TGFBI: variants seen among roughly 807,000 people sequenced by gnomAD.
TGFBI encodes transforming growth factor-beta-induced protein ig-h3.
Under a neutral mutation model 73.7 loss-of-function variants are expected in TGFBI, and 50 were observed. The observed-to-expected ratio is 0.68, with a 90% CI of 0.54 to 0.86. The LOEUF (loss-of-function observed/expected upper bound fraction) is 0.86. Ranked by LOEUF, TGFBI falls within the 40% of genes least tolerant of loss-of-function variation. The pLI is 0.00. For synonymous variants in TGFBI, 362 were observed against 360.5 expected (o/e 1.00, Z -0.05); for missense variants, 839 against 877.0 (o/e 0.96, Z 0.55).
At chr5:136,029,673 G>C (rs1007948922) in intron 1 of TGFBI, among the ~76,000 whole-genome samples, 3 of 152,152 alleles carry the variant, frequency 2.0e-5, no homozygotes, top group African/African-American at 7.2e-5. Context: ...AGGCTCCTGT[G>C]CTCCTGGCCA....
chr5:136,047,311 AC>A lies in TGFBI; in HGVS notation c.664del (p.His222ThrfsTer72). ...AACTGTGCCCGGCTGCTGAAAGCCGACCACCATGCAACCAACGGGGTGGTGC... is the reference window on the plus strand; with the variant it reads ...AACTGTGCCCGGCTGCTGAAAGCCGACACCATGCAACCAACGGGGTGGTGC... ...TVNCARLLKADHHATNGVVHL... is the reference protein window; with the variant it reads ...TVNCARLLKAXHHATNGVVHL... On this transcript the variant is annotated frameshift_variant, in exon 6 of 17. Transcript: ENST00000442011. LOFTEE classifies it high-confidence loss of function. 6.2e-7 allele frequency: 1 copy of A among 1,613,844 alleles called. No homozygotes were observed. Among genetic ancestry groups the A allele is most frequent in the Non-Finnish European group, 8.5e-7 (1 of 1,179,852 alleles).
Position 136,049,509 on chromosome 5 carries a change from C to A in TGFBI, c.842C>A (p.Thr281Asn), listed in dbSNP as rs367862160. The change falls in exon 7 of 17, where the codon ACC becomes AAC. Residue 281 changes from threonine to asparagine, a missense_variant. Transcript: ENST00000442011. ...GNGQYTLLAP[T>N]NEAFEKIPSE... Reference sequence around the variant, plus strand: ...GGCCAGTACACGCTTTTGGCCCCGACCAATGAGGCCTTCGAGAAGATCCCT... The same window carrying A: ...GGCCAGTACACGCTTTTGGCCCCGAACAATGAGGCCTTCGAGAAGATCCCT... 6.2e-7 allele frequency: 1 copy of A among 1,613,858 alleles called. No homozygotes were observed. The highest frequency in any genetic ancestry group is 1.3e-5 in the African/African-American group (1 of 74,914).
intron 2 of TGFBI, among the ~76,000 whole-genome samples, chr5:136,038,692 G>A (rs553093759): frequency 1.2e-3 from 179 of 149,216 alleles, no homozygotes; most frequent in Non-Finnish European, 2.2e-3. Context: ...CTGCCCTCCA[G>A]CCTGGGCAAC....
In TGFBI at chr5:136,054,643, GTATT is replaced by G. The variant is rs1358685605; in HGVS notation, c.1265-69_1265-66del. ...TCAAGGAGGGATGGGCTTTTTCACT[GTATT>G]TATCTCTCATCACTCTCTTCATTGC... is the stretch of plus-strand genomic sequence containing the variant. On this transcript the variant is annotated intron_variant, in intron 9 of 16. Transcript: ENST00000442011. 3 of 1,599,986 alleles carry G rather than the reference GTATT, an allele frequency of 1.9e-6. No homozygotes were observed. In the Admixed American group the frequency reaches 5.0e-5, roughly 27 times the overall value.
chr5:136,049,769 G>C lies in TGFBI; in HGVS notation c.913+189G>C. ...GTGTCTCTAGCAGCCACACTACTCT[G>C]AGGGCTGACTACAGAATCCAGCAGC... On this transcript the variant is annotated intron_variant, in intron 7 of 16. Coordinates refer to ENST00000442011, the MANE Select transcript of TGFBI (RefSeq NM_000358.3). 9.8e-6 allele frequency: 6 copies of C among 610,644 alleles called. No individual in the cohort carries two copies. The Admixed American group carries it at 1.5e-4, about 15-fold the overall frequency. The allele number at this position is 610,644 out of a possible 1,614,324, so 37.8% of individuals were successfully genotyped here.
At chr5:136,047,161 T>C (rs1037017021) in intron 5 of TGFBI, 113 bp from the exon 6 acceptor site, 1 of 1,529,872 alleles carries the variant, frequency 6.5e-7, no homozygotes, top group South Asian at 1.2e-5. Context: ...ATTCCACAGC[T>C]TGTGGAACCC....
chr5:136,046,620 C>G (rs1751433585), intron 4 of TGFBI, 125 bp downstream of exon 4: 1 of 1,334,490 alleles, frequency 7.5e-7, no homozygotes, highest in Admixed American at 2.7e-5. Context: ...TCTCCTTAAC[C>G]CCTTAGAAAA....
Position 136,063,211 on chromosome 5 carries a change from G to C in TGFBI, c.2037G>C (p.Glu679Asp), listed in dbSNP as rs1751781050. ...RLAPVYQKLLERMKH is the reference protein window; with the variant it reads ...RLAPVYQKLLDRMKH ...CCCCTGTCTATCAAAAGTTATTAGA[G>C]AGGATGAAGCATTAGCTTGAAGCAC... The change falls in exon 17 of 17, where the codon GAG becomes GAC. Residue 679 changes from glutamate to aspartate, a missense_variant. By Grantham distance (45) the Glu-to-Asp change is conservative. Coordinates refer to ENST00000442011, the MANE Select transcript of TGFBI (RefSeq NM_000358.3). 2.5e-6 allele frequency: 4 copies of C among 1,613,834 alleles called. No homozygotes were observed. The African/African-American group carries it at 5.3e-5, about 22-fold the overall frequency.
At chr5:136,031,428 T>C (rs1050417983) in intron 1 of TGFBI, among the ~76,000 whole-genome samples, 3 of 152,262 alleles carry the variant, frequency 2.0e-5, no homozygotes, top group African/African-American at 7.2e-5. Flanking sequence ...TGTGCCTTGC[T>C]TGTGCGCAGC....
chr5:136,056,585 G>T, intron 11 of TGFBI, 80 bp from the exon 12 acceptor site: 1 of 1,579,850 alleles, frequency 6.3e-7, no homozygotes, highest in South Asian at 1.1e-5. Flanking sequence ...AGGTATTTAA[G>T]GAAAATACCT....
Position 136,059,232 on chromosome 5 carries a change from C to G in TGFBI, c.1803+18C>G. The G allele has an allele frequency of 6.2e-7, 1 of 1,606,806 alleles. No individual in the cohort carries two copies. The highest frequency in any genetic ancestry group is 8.5e-7 in the Non-Finnish European group (1 of 1,177,654). On this transcript the variant is annotated intron_variant, in intron 13 of 16. Transcript: ENST00000442011. ...TCAGCTTGGTAAGTGTCCTGCAAAT[C>G]AAAGGCTGGCTAAATTTCCCCAGGG...
chr5:136,052,642 A>T (rs1751556205), intron 7 of TGFBI, among the ~76,000 whole-genome samples: 1 of 152,230 alleles, frequency 6.6e-6, no homozygotes. Flanking sequence ...TCTTATGTCC[A>T]CTTGACTGAT....
chr5:136,049,692 A>G (rs941300366), intron 7 of TGFBI, 112 bp downstream of exon 7: 95 of 1,321,338 alleles, frequency 7.2e-5, no homozygotes, highest in Middle Eastern at 5.6e-4. Flanking sequence ...CCCTCAGGAT[A>G]TCCACTGCAG....
In TGFBI at chr5:136,055,707, G is replaced by C; in HGVS notation, c.1438G>C (p.Ala480Pro). The stretch of plus-strand genomic sequence containing the variant: ...CCTCTGCATTGAGAACAGCTGCATC[G>C]CGGCCCACGACAAGAGGGGGAGGTA... ...NSLCIENSCI[A>P]AHDKRGRYGT... The change falls in exon 11 of 17, where the codon GCG (alanine) becomes CCG (proline). Residue 480 changes from alanine to proline, a missense_variant. Coordinates refer to ENST00000442011, the MANE Select transcript of TGFBI (RefSeq NM_000358.3). 1 of 1,609,164 alleles carries C rather than the reference G, an allele frequency of 6.2e-7. No homozygotes were observed. Among genetic ancestry groups the C allele is most frequent in the Non-Finnish European group, 8.5e-7 (1 of 1,176,344 alleles).
intron 5 of TGFBI, 123 bp from the exon 6 acceptor site, chr5:136,047,151 A>G: frequency 6.6e-7 from 1 of 1,519,438 alleles, no homozygotes; most frequent in Non-Finnish European, 8.9e-7. Flanking sequence ...TGGGCCCTCT[A>G]TTCCACAGCT....
intron 11 of TGFBI, among the ~76,000 whole-genome samples, chr5:136,056,172 G>A (rs538849673): frequency 8.5e-5 from 13 of 152,286 alleles, no homozygotes; most frequent in East Asian, 3.9e-4. Flanking sequence ...CACTCTCTGC[G>A]CAGTATCTGT....
intron 12 of TGFBI, 42 bp downstream of exon 12, chr5:136,056,837 A>G: frequency 1.3e-6 from 2 of 1,575,510 alleles, no homozygotes; most frequent in South Asian, 2.3e-5. Context: ...TTTCTAAAGT[A>G]GTGATCCCTC....
At chr5:136,054,220 C>T in intron 9 of TGFBI, 140 bp downstream of exon 9, 2 of 1,220,818 alleles carry the variant, frequency 1.6e-6, no homozygotes, top group Middle Eastern at 2.9e-4. Context: ...GCAGATGTGA[C>T]TTCAGCAGAA....
chr5:136,058,816 C>T (rs755864298), intron 12 of TGFBI: 8 of 313,012 alleles, frequency 2.6e-5, no homozygotes, highest in East Asian at 5.8e-5. Context: ...AGCCAGGGAG[C>T]CCAGCATCCC....
Sources: gnomAD v4.1 joint callset for allele counts (sites outside exome capture counted in the v4.1 genomes callset) on GRCh38, gnomAD v4.1.1 for gene constraint, MANE v1.5 for transcripts, NCBI Gene and HGNC (gene_info 2026-07-23, HGNC 2026-07-21) for gene names.